Variants in ABLIM2 observed in about 807,000 individuals in gnomAD.
ABLIM2 encodes the protein actin binding LIM protein family member 2, also known as actin-binding LIM protein 2.
A neutral mutation model predicts 97.7 loss-of-function variants in ABLIM2; 53 were observed. The observed-to-expected ratio is 0.54, with a 90% CI of 0.44 to 0.68. The LOEUF (loss-of-function observed/expected upper bound fraction) is 0.68, where lower values mean the gene tolerates loss of function less well. Among genes scored for constraint, ABLIM2 ranks in the 30% least tolerant of loss-of-function variants. The probability of loss-of-function intolerance (pLI) is 0.00; values close to 1 mark genes in which losing one functional copy is unlikely to be tolerated. For missense variants in ABLIM2, 835 were observed against 867.2 expected (o/e 0.96, Z 0.47); for synonymous variants, 361 against 345.8 (o/e 1.04, Z -0.49).
intron 1 of ABLIM2, among the ~76,000 whole-genome samples, chr4:8,121,820 C>T (rs1373452886): frequency 3.3e-5 from 5 of 152,156 alleles, no homozygotes; most frequent in African/African-American, 7.2e-5. Flanking sequence ...GATGAATAAC[C>T]CATGTCACAT....
intron 14 of ABLIM2, among the ~76,000 whole-genome samples, chr4:8,017,292 ATTAT>A (rs1770050986): frequency 6.7e-6 from 1 of 148,530 alleles, no homozygotes; most frequent in Admixed American, 6.7e-5. Context: ...TATTATTATT[ATTAT>A]TATTATTTTT....
intron 20 of ABLIM2, among the ~76,000 whole-genome samples, chr4:7,983,029 T>G (rs1740073826): frequency 6.6e-6 from 1 of 152,162 alleles, no homozygotes; most frequent in Admixed American, 6.6e-5. Flanking sequence ...TACAAAGCCT[T>G]CCCTGCCTCA....
intron 3 of ABLIM2, among the ~76,000 whole-genome samples, chr4:8,094,099 T>C (rs891439871): frequency 1.3e-5 from 2 of 152,240 alleles, no homozygotes; most frequent in Non-Finnish European, 1.5e-5. Flanking sequence ...AAATACCCAA[T>C]CTACTGCTAA....
At chr4:8,025,576 G>A (rs1414582929) in intron 12 of ABLIM2, among the ~76,000 whole-genome samples, 1 of 152,212 alleles carries the variant, frequency 6.6e-6, no homozygotes, top group Non-Finnish European at 1.5e-5. Context: ...CAGGGGGCCT[G>A]TCCTGGGCCT....
At chr4:8,018,516 C>T (rs79216311) in intron 14 of ABLIM2, among the ~76,000 whole-genome samples, 3,278 of 152,296 alleles carry the variant, frequency 0.022, 126 homozygotes, top group African/African-American at 0.073. Context: ...ATGGTAGAAG[C>T]CATCATTTCT....
chr4:8,138,945 C>G (rs1180724258), intron 1 of ABLIM2, among the ~76,000 whole-genome samples: 1 of 152,198 alleles, frequency 6.6e-6, no homozygotes, highest in African/African-American at 2.4e-5. Context: ...GCCTGTAATC[C>G]CAGCACTTTG....
chr4:8,056,615 C>T (rs1799309394), intron 7 of ABLIM2, among the ~76,000 whole-genome samples: 1 of 150,724 alleles, frequency 6.6e-6, no homozygotes. Flanking sequence ...GACACAATTT[C>T]ATATCCTACA....
chr4:8,027,272 A>C (rs1480074959), intron 12 of ABLIM2, among the ~76,000 whole-genome samples: 5 of 152,142 alleles, frequency 3.3e-5, no homozygotes, highest in Non-Finnish European at 7.3e-5. Context: ...TGGATGGCTC[A>C]TCCACTCCTG....
At chr4:8,089,292 G>C (rs1376735708) in intron 3 of ABLIM2, among the ~76,000 whole-genome samples, 1 of 152,194 alleles carries the variant, frequency 6.6e-6, no homozygotes, top group Admixed American at 6.5e-5. Flanking sequence ...CACAGCCTGA[G>C]AATGCTGCCA....
intron 14 of ABLIM2, among the ~76,000 whole-genome samples, chr4:8,011,061 A>T (rs539613046): frequency 6.6e-6 from 1 of 152,362 alleles, no homozygotes; most frequent in East Asian, 1.9e-4. Context: ...CTGCACGTGC[A>T]TGGACAATTA....
Position 7,996,072 on chromosome 4 carries a change from G to A in ABLIM2, c.1619-3145C>T, listed in dbSNP as rs967037410. 2.6e-5 allele frequency among the ~76,000 whole-genome samples: 4 copies of A among 152,262 alleles called. No homozygotes were observed. Among genetic ancestry groups the A allele is most frequent in the African/African-American group, 7.2e-5 (3 of 41,562 alleles). On this transcript the variant is annotated intron_variant, in intron 16 of 20. Transcript: ENST00000447017. This position sits in a 1 kb window ranked among gnomAD's most constrained non-coding sequence, Gnocchi z 4.5. ...AGAGCCAGGCATGCTCTGGGAGCCC[G>A]AGGGCCCCTCCAGCTGCAGCGGGAG... is the stretch of plus-strand genomic sequence containing the variant.
chr4:8,147,270 G>A lies in ABLIM2; in HGVS notation c.10+11410C>T, dbSNP rs1851956227. 6.6e-6 allele frequency among the ~76,000 whole-genome samples: 1 copy of A among 152,020 alleles called. No individual in the cohort carries two copies. On this transcript the variant is annotated intron_variant, in intron 1 of 20. Coordinates refer to ENST00000447017, the MANE Select transcript of ABLIM2 (RefSeq NM_001130083.2). The surrounding 1 kb of genome is among the most constrained non-coding windows in gnomAD (Gnocchi z 5.3). ...GCGAGTAACATTTTTTTTATCCTATGAGAAGTCATTCTCACTCTCTCATCC... is the reference window on the plus strand; with the variant it reads ...GCGAGTAACATTTTTTTTATCCTATAAGAAGTCATTCTCACTCTCTCATCC...
In ABLIM2 at chr4:8,080,701, G is replaced by A. The variant is rs1473093911; in HGVS notation, c.556C>T (p.Leu186Phe). The A allele has an allele frequency of 6.2e-7, 1 of 1,610,526 alleles. No homozygotes were observed. The highest frequency in any genetic ancestry group is 1.1e-5 in the South Asian group (1 of 90,706). Residue 186 changes from leucine (L) to phenylalanine (F), a missense_variant, in exon 5 of 21, where the codon CTC becomes TTC. Leu to Phe is a conservative substitution (Grantham distance 22). Coordinates refer to ENST00000447017, the MANE Select transcript of ABLIM2 (RefSeq NM_001130083.2). The part of the protein sequence containing the change: ...GCFKCKSCGK[L>F]LNAEYISKDG... ...TTGCTGATGTACTCGGCATTCAGGA[G>A]CTTCCCACAGCTCTTGCACTTAAAA... is the stretch of plus-strand genomic sequence containing the variant.
In ABLIM2 at chr4:7,986,547, C is replaced by G. The variant is rs1744290422; in HGVS notation, c.1681-1654G>C. 6.6e-6 allele frequency among the ~76,000 whole-genome samples: 1 copy of G among 152,180 alleles called. No homozygotes were observed. Among genetic ancestry groups the G allele is most frequent in the Non-Finnish European group, 1.5e-5 (1 of 68,034 alleles). On this transcript the variant is annotated intron_variant, in intron 17 of 20. Transcript: ENST00000447017. This position sits in a 1 kb window ranked among gnomAD's most constrained non-coding sequence, Gnocchi z 4.3. Reference sequence around the variant, plus strand: ...CTAAAACTATTGCATTAAACTTATCCTGACTGCATTTTCTTCTTTAGTGCC... The same window carrying G: ...CTAAAACTATTGCATTAAACTTATCGTGACTGCATTTTCTTCTTTAGTGCC...
intron 1 of ABLIM2, among the ~76,000 whole-genome samples, chr4:8,121,799 G>T (rs571844956): frequency 6.6e-6 from 1 of 152,224 alleles, no homozygotes; most frequent in African/African-American, 2.4e-5. Flanking sequence ...TCCAGTGGAT[G>T]GGGGGGTGAT....
intron 3 of ABLIM2, among the ~76,000 whole-genome samples, chr4:8,091,816 A>G (rs1282690561): frequency 1.4e-5 from 1 of 71,620 alleles, no homozygotes; most frequent in Non-Finnish European, 2.1e-5. Context: ...TATATATTAT[A>G]TAATATATTA....
intron 7 of ABLIM2, among the ~76,000 whole-genome samples, chr4:8,057,777 G>A (rs938992408): frequency 2.1e-4 from 32 of 152,342 alleles, no homozygotes; most frequent in Admixed American, 6.5e-4. Flanking sequence ...CCAGGAGACC[G>A]TGGGGGTCGC....
chr4:7,977,079 G>C (rs1474347583), intron 20 of ABLIM2, among the ~76,000 whole-genome samples: 1 of 152,054 alleles, frequency 6.6e-6, no homozygotes, highest in African/African-American at 2.4e-5. Flanking sequence ...GGAGGTGATT[G>C]GGTCCTGGGG....
In ABLIM2 at chr4:8,054,082, G is replaced by C. The variant is rs768073708; in HGVS notation, c.822+106C>G. ...GCTGCCCCCATCCTGCAGCCCGTGG[G>C]ACTGGACAATGAGCCTGTAGAATCT... is the stretch of plus-strand genomic sequence containing the variant. On this transcript the variant is annotated intron_variant, in intron 8 of 20. Transcript: ENST00000447017. The surrounding 1 kb of genome is among the most constrained non-coding windows in gnomAD (Gnocchi z 4.9). 7.5e-7 allele frequency: 1 copy of C among 1,331,914 alleles called. No individual in the cohort carries two copies. The highest frequency in any genetic ancestry group is 1.1e-6 in the Non-Finnish European group (1 of 930,182). The allele number at this position is 1,331,914 out of a possible 1,614,324, so 82.5% of individuals were successfully genotyped here.
Sources: allele counts gnomAD v4.1 joint callset (sites outside exome capture counted in the v4.1 genomes callset), GRCh38; gene constraint gnomAD v4.1.1; non-coding constraint Gnocchi (gnomAD v3.1); transcripts MANE v1.5; gene names NCBI Gene and HGNC (gene_info 2026-07-23, HGNC 2026-07-21).